The following ZC3H12B variants were observed in gnomAD, a reference collection of about 807,000 sequenced individuals.
The protein encoded by ZC3H12B is probable ribonuclease ZC3H12B.
In ZC3H12B, 7 loss-of-function variants were observed where a neutral mutation model predicts 43.9. The observed-to-expected ratio is 0.16, with a 90% CI of 0.09 to 0.30. The LOEUF is 0.30. ZC3H12B is among the 10% of genes least tolerant of loss of function. The probability of loss-of-function intolerance (pLI) is 1.00; values close to 1 mark genes in which losing one functional copy is unlikely to be tolerated. For synonymous variants in ZC3H12B, 222 were observed against 241.7 expected (o/e 0.92, Z 0.76); for missense variants, 475 against 670.2 (o/e 0.71, Z 3.22).
chrX:65,202,806 G>C, the ZC3H12B span, among the ~76,000 whole-genome samples: 1 of 111,251 alleles, frequency 9.0e-6, no homozygotes, highest in African/African-American at 3.3e-5. Flanking sequence ...GGTGAAGCCA[G>C]CTAGCCTTGT....
upstream of ZC3H12B, among the ~76,000 whole-genome samples, chrX:65,365,959 C>A (rs1465523937): frequency 9.1e-6 from 1 of 110,034 alleles, no homozygotes; most frequent in Non-Finnish European, 1.9e-5. Flanking sequence ...AAATAAACAG[C>A]CTAGTTGAAA....
chrX:65,155,389 T>A, the ZC3H12B span, among the ~76,000 whole-genome samples: 1 of 111,722 alleles, frequency 9.0e-6, no homozygotes, highest in Non-Finnish European at 1.9e-5. Flanking sequence ...TTACCAGATT[T>A]TTCAAAGTAA....
At chrX:65,185,931 T>G in the ZC3H12B span, 1 of 111,541 alleles carries the variant, frequency 9.0e-6, no homozygotes, top group African/African-American at 3.3e-5. Flanking sequence ...TACCACAGCT[T>G]GTCTATTGTG....
chrX:65,341,882 A>AACAAGAT, the ZC3H12B span, among the ~76,000 whole-genome samples: 1 of 111,436 alleles, frequency 9.0e-6, no homozygotes, highest in Admixed American at 9.6e-5. Context: ...TTTGAATGTA[A>AACAAGAT]ACAAGATAAA....
the ZC3H12B span, among the ~76,000 whole-genome samples, chrX:65,148,801 C>A: frequency 9.0e-6 from 1 of 111,621 alleles, no homozygotes; most frequent in Non-Finnish European, 1.9e-5. Context: ...GTCTTTAGTT[C>A]TTGTGAAGAT....
At chrX:65,305,378 A>C in the ZC3H12B span, among the ~76,000 whole-genome samples, 1 of 112,055 alleles carries the variant, frequency 8.9e-6, no homozygotes, top group Non-Finnish European at 1.9e-5. Flanking sequence ...TGGAGGTAGC[A>C]TAGGCAGTTG....
At chrX:65,374,798 A>T (rs1338042610) in intron 2 of ZC3H12B, among the ~76,000 whole-genome samples, 2 of 111,179 alleles carry the variant, frequency 1.8e-5, no homozygotes, top group Non-Finnish European at 3.8e-5. Flanking sequence ...CCTTCTTCAC[A>T]TGGCAGCAGC....
At chrX:65,292,372 C>G in the ZC3H12B span, among the ~76,000 whole-genome samples, 1 of 111,596 alleles carries the variant, frequency 9.0e-6, no homozygotes, top group Admixed American at 9.5e-5. Flanking sequence ...CAAACTAACA[C>G]AGGAAAAGAA....
exon 5 of ZC3H12B, chrX:65,507,125 G>GCACT (rs2068433585): frequency 8.9e-6 from 1 of 112,081 alleles, no homozygotes; most frequent in African/African-American, 3.3e-5. Flanking sequence ...ATTTTGAGAG[G>GCACT]CACTCAGTTA....
intron 3 of ZC3H12B, among the ~76,000 whole-genome samples, chrX:65,417,140 G>C (rs754747122): frequency 9.0e-6 from 1 of 111,601 alleles, no homozygotes; most frequent in Non-Finnish European, 1.9e-5. Context: ...TATTCTGTTC[G>C]AATAGGTCTG....
chrX:65,067,450 G>A, the ZC3H12B span, among the ~76,000 whole-genome samples: 2 of 110,531 alleles, frequency 1.8e-5, no homozygotes, highest in East Asian at 2.9e-4. Flanking sequence ...CTCTACTTCC[G>A]CTTGCCCTCT....
upstream of ZC3H12B, among the ~76,000 whole-genome samples, chrX:65,363,537 A>T: frequency 9.0e-6 from 1 of 111,692 alleles, no homozygotes; most frequent in Non-Finnish European, 1.9e-5. Context: ...TAGATCCTAA[A>T]TCCTTTCCCC....
the ZC3H12B span, among the ~76,000 whole-genome samples, chrX:65,256,723 C>A: frequency 9.0e-6 from 1 of 111,722 alleles, no homozygotes; most frequent in African/African-American, 3.3e-5. Context: ...ACATGAAAAA[C>A]CACACAAAAG....
At chrX:65,151,090 T>A in the ZC3H12B span, among the ~76,000 whole-genome samples, 7 of 112,511 alleles carry the variant, frequency 6.2e-5, no homozygotes, top group East Asian at 1.7e-3. Context: ...TTTATAACTA[T>A]GAAGAAATTT....
the ZC3H12B span, among the ~76,000 whole-genome samples, chrX:65,225,475 C>A: frequency 1.8e-5 from 2 of 112,498 alleles, no homozygotes; most frequent in African/African-American, 6.5e-5. Context: ...CGTCTCTCCT[C>A]CTCCAAAGGA....
At chrX:65,173,095 C>T in the ZC3H12B span, among the ~76,000 whole-genome samples, 3 of 111,812 alleles carry the variant, frequency 2.7e-5, no homozygotes, top group Admixed American at 2.9e-4. Flanking sequence ...CTCTCATTTC[C>T]TTGAGCAGAG....
chrX:65,488,126 C>T (rs890553375), upstream of ZC3H12B, among the ~76,000 whole-genome samples: 6 of 110,983 alleles, frequency 5.4e-5, no homozygotes, highest in African/African-American at 2.0e-4. Context: ...CCGCCTCGGC[C>T]TCCCAAAGTG....
chrX:65,190,278 C>A, the ZC3H12B span, among the ~76,000 whole-genome samples: 1 of 110,185 alleles, frequency 9.1e-6, no homozygotes. Flanking sequence ...CTTGGCAATG[C>A]GGGCTCTTTT....
At chrX:65,403,104 T>G (rs1026575911) in intron 3 of ZC3H12B, among the ~76,000 whole-genome samples, 7 of 111,840 alleles carry the variant, frequency 6.3e-5, no homozygotes, top group Non-Finnish European at 9.4e-5. Flanking sequence ...AATTCAGAAT[T>G]TTATCAGATT....
Sources: allele counts gnomAD v4.1 joint callset (sites outside exome capture counted in the v4.1 genomes callset), GRCh38; gene constraint gnomAD v4.1.1; transcripts MANE v1.5; gene names NCBI Gene and HGNC (gene_info 2026-07-23, HGNC 2026-07-21).